HS3ST1: variants seen among roughly 807,000 people sequenced by gnomAD.
The protein encoded by HS3ST1 is heparan sulfate glucosamine 3-O-sulfotransferase 1.
In HS3ST1, 8 loss-of-function variants were observed where a neutral mutation model predicts 20.7. The ratio of observed to expected loss-of-function variants is 0.39; its 90% CI spans 0.23 to 0.70. HS3ST1 has a LOEUF of 0.70. HS3ST1 is among the 30% of genes least tolerant of loss of function. The probability of loss-of-function intolerance (pLI) is 0.46; values close to 1 mark genes in which losing one functional copy is unlikely to be tolerated. For synonymous variants in HS3ST1, 205 were observed against 190.4 expected, an observed-to-expected ratio of 1.08 and a Z score of -0.63; for missense variants, 436 against 423.4, an observed-to-expected ratio of 1.03 and a Z score of -0.26.
At chr4:11,413,343 G>C (rs995823393) in intron 1 of HS3ST1, among the ~76,000 whole-genome samples, 1 of 151,878 alleles carries the variant, frequency 6.6e-6, no homozygotes, top group African/African-American at 2.4e-5. Flanking sequence ...TAAGACTTCT[G>C]CTTGCTTAAA....
At chr4:11,411,659 T>C (rs557744918) in intron 1 of HS3ST1, among the ~76,000 whole-genome samples, 1 of 152,236 alleles carries the variant, frequency 6.6e-6, no homozygotes, top group Non-Finnish European at 1.5e-5. Context: ...ATCTTCAGAT[T>C]AAATGCACTG....
At chr4:11,411,032 G>A (rs1718617171) in intron 1 of HS3ST1, among the ~76,000 whole-genome samples, 1 of 152,152 alleles carries the variant, frequency 6.6e-6, no homozygotes, top group Admixed American at 6.5e-5. Context: ...AAAGTTAATG[G>A]TGTAACTTGG....
At chr4:11,410,644 G>C (rs1300451450) in intron 1 of HS3ST1, among the ~76,000 whole-genome samples, 3 of 152,248 alleles carry the variant, frequency 2.0e-5, no homozygotes, top group African/African-American at 7.2e-5. Context: ...TGTAATCCCA[G>C]CACTTTTGGG....
rs1407251884 is a variant in HS3ST1 at position 11,399,898 on chromosome 4, G to A, written c.108C>T (p.Thr36=). 6.2e-7 allele frequency: 1 copy of A among 1,609,750 alleles called. No homozygotes were observed. The highest frequency in any genetic ancestry group is 1.7e-4 in the Middle Eastern group (1 of 6,058). ...CGCCATCGCGGACGTCATCCTGGAG[G>A]GTCCCCGCTTTCCGCAGAAGCTCCT... ...GQQELLRKAG[T]LQDDVRDGVA... Residue 36 remains threonine (T), a synonymous_variant, in exon 2 of 2, where the codon ACC becomes ACT. Coordinates refer to ENST00000002596, the MANE Select transcript of HS3ST1 (RefSeq NM_005114.4). The surrounding 1 kb of genome is among the most constrained non-coding windows in gnomAD (Gnocchi z 5.1).
Position 11,399,669 on chromosome 4 carries a change from G to T in HS3ST1, c.337C>A (p.His113Asn), listed in dbSNP as rs749725679. Residue 113 changes from histidine (H) to asparagine (N), a missense_variant, in exon 2 of 2, where the codon CAC (histidine) becomes AAC (asparagine). Coordinates refer to ENST00000002596, the MANE Select transcript of HS3ST1 (RefSeq NM_005114.4). This position sits in a 1 kb window ranked among gnomAD's most constrained non-coding sequence, Gnocchi z 5.1. ...GGGGTCTTCTCCACTGTGAGCTGGT[G>T]TGGCCAGGAGAAGGGCATCTGGCTG... ...YLSQMPFSWP[H>N]QLTVEKTPAY... is the part of the protein sequence containing the mutation. 6.2e-7 allele frequency: 1 copy of T among 1,613,958 alleles called. No individual in the cohort carries two copies. Among genetic ancestry groups the T allele is most frequent in the South Asian group, 1.1e-5 (1 of 91,084 alleles).
intron 1 of HS3ST1, among the ~76,000 whole-genome samples, chr4:11,405,108 G>A (rs1718429638): frequency 6.6e-6 from 1 of 152,190 alleles, no homozygotes; most frequent in South Asian, 2.1e-4. Flanking sequence ...GTTGTGCCTT[G>A]CACCAATTCT....
At chr4:11,403,114 T>C (rs1015106137) in intron 1 of HS3ST1, among the ~76,000 whole-genome samples, 9 of 152,232 alleles carry the variant, frequency 5.9e-5, no homozygotes, top group African/African-American at 2.2e-4. Context: ...ACATACTATA[T>C]ATAGCATATA....
At chr4:11,430,128 G>A (rs1719176116), upstream of HS3ST1, among the ~76,000 whole-genome samples, 1 of 151,846 alleles carries the variant, frequency 6.6e-6, no homozygotes, top group Non-Finnish European at 1.5e-5. Flanking sequence ...GATTACCCTC[G>A]GCACTTTCAG....
rs1577435629 is a variant in HS3ST1, at chr4:11,399,969, C to T, written c.37G>A (p.Ala13Thr). 5.8e-6 allele frequency: 9 copies of T among 1,550,246 alleles called. No individual in the cohort carries two copies. The highest frequency in any genetic ancestry group is 5.4e-5 in the African/African-American group (4 of 73,648). Residue 13 changes from alanine to threonine, a missense_variant, in exon 2 of 2, where the codon GCC (alanine) becomes ACC (threonine). Transcript: ENST00000002596. The surrounding 1 kb of genome is among the most constrained non-coding windows in gnomAD (Gnocchi z 5.1). The stretch of plus-strand genomic sequence containing the variant: ...CGGGAAGGCACTAGCTGGGGCTGGG[C>T]CACCAGCAGCACCGCGCCCAGGAGC... ...ALLLGAVLLV[A>T]QPQLVPSRPA...
intron 1 of HS3ST1, among the ~76,000 whole-genome samples, chr4:11,411,608 C>T (rs1046846096): frequency 6.6e-6 from 1 of 152,088 alleles, no homozygotes; most frequent in Non-Finnish European, 1.5e-5. Flanking sequence ...ACCACACAGC[C>T]CCCTCTGTAA....
At chr4:11,426,208 T>C (rs57654402) in intron 1 of HS3ST1, among the ~76,000 whole-genome samples, 35,554 of 151,886 alleles carry the variant, frequency 0.23, 4,512 homozygotes, top group African/African-American at 0.32. Flanking sequence ...ACGGTGGGGA[T>C]ATGCCATTGT....
chr4:11,419,713 A>G (rs1036118786), intron 1 of HS3ST1, among the ~76,000 whole-genome samples: 20 of 152,340 alleles, frequency 1.3e-4, no homozygotes, highest in South Asian at 8.3e-4. Flanking sequence ...TGGTAGGGGC[A>G]CATTTAACCC....
At chr4:11,407,760 C>G (rs147092447) in intron 1 of HS3ST1, among the ~76,000 whole-genome samples, 118 of 152,308 alleles carry the variant, frequency 7.7e-4, no homozygotes, top group African/African-American at 2.8e-3. Flanking sequence ...TGCATATGCA[C>G]GCAAGTCACT....
upstream of HS3ST1, among the ~76,000 whole-genome samples, chr4:11,432,155 C>T (rs1719218432): frequency 2.0e-5 from 3 of 152,102 alleles, no homozygotes; most frequent in South Asian, 6.2e-4. Context: ...GACGGGAGGT[C>T]AGGAAAAGGG....
intron 1 of HS3ST1, among the ~76,000 whole-genome samples, chr4:11,406,538 G>A (rs942782317): frequency 2.6e-5 from 4 of 152,180 alleles, no homozygotes; most frequent in African/African-American, 9.7e-5. Context: ...GACAGAAATG[G>A]ATACATGCTG....
chr4:11,431,386 G>A (rs1444007579), upstream of HS3ST1, among the ~76,000 whole-genome samples: 3 of 152,206 alleles, frequency 2.0e-5, no homozygotes, highest in African/African-American at 7.2e-5. Context: ...TCAGTCAGTT[G>A]TGTGGCCCAA....
chr4:11,425,518 C>T (rs1719037471), intron 1 of HS3ST1, among the ~76,000 whole-genome samples: 1 of 152,136 alleles, frequency 6.6e-6, no homozygotes, highest in Non-Finnish European at 1.5e-5. Context: ...GTAGTGAGGC[C>T]CGGTGCTTGT....
rs992366608 is a variant in HS3ST1, at chr4:11,409,234, T to G, written c.-108-9121A>C. 7.9e-5 allele frequency among the ~76,000 whole-genome samples: 12 copies of G among 152,246 alleles called. No individual in the cohort carries two copies. The South Asian group carries it at 2.5e-3, about 32-fold the overall frequency. On this transcript the variant is annotated intron_variant, in intron 1 of 1. Coordinates refer to ENST00000002596, the MANE Select transcript of HS3ST1 (RefSeq NM_005114.4). ...GAATAATTCACAGCTGAAAATAAAT[T>G]TATACAAACCAAAGTAAATTGTTTC...
intron 1 of HS3ST1, among the ~76,000 whole-genome samples, chr4:11,413,894 A>T (rs1050170195): frequency 3.9e-5 from 6 of 152,240 alleles, no homozygotes; most frequent in African/African-American, 1.4e-4. Flanking sequence ...CAAAATTGAA[A>T]AAAAAACCAT....
Sources: gnomAD v4.1 joint callset for allele counts (sites outside exome capture counted in the v4.1 genomes callset) on GRCh38, gnomAD v4.1.1 for gene constraint, Gnocchi (gnomAD v3.1) non-coding constraint, MANE v1.5 for transcripts, NCBI Gene and HGNC (gene_info 2026-07-23, HGNC 2026-07-21) for gene names.